KIAA0586: variants seen among roughly 807,000 people sequenced by gnomAD.
KIAA0586 encodes the protein KIAA0586.
A neutral mutation model predicts 169.8 loss-of-function variants in KIAA0586; 144 were observed. The ratio of observed to expected loss-of-function variants is 0.85; its 90% CI spans 0.74 to 0.97. The LOEUF (loss-of-function observed/expected upper bound fraction) is 0.97, where lower values mean the gene tolerates loss of function less well. Among genes scored for constraint, KIAA0586 ranks in the 50% least tolerant of loss-of-function variants. The pLI is 0.00. For missense variants in KIAA0586, 1,854 were observed against 1,823.0 expected, an observed-to-expected ratio of 1.02 and a Z score of -0.31; for synonymous variants, 625 against 612.4, an observed-to-expected ratio of 1.02 and a Z score of -0.30.
intron 27 of KIAA0586, among the ~76,000 whole-genome samples, chr14:58,499,368 T>C (rs537257463): frequency 9.0e-4 from 137 of 152,136 alleles, no homozygotes; most frequent in Non-Finnish European, 1.4e-3. Context: ...TTCTCCTGCC[T>C]CAGCCTCCCG....
At chr14:58,482,112 G>A (rs1030426751) in intron 20 of KIAA0586, among the ~76,000 whole-genome samples, 5 of 151,230 alleles carry the variant, frequency 3.3e-5, no homozygotes, top group East Asian at 2.0e-4. Context: ...GTGCCCGGCC[G>A]GCATCTCTGA....
At position 58,487,124 on chromosome 14, in the gene KIAA0586, C is replaced by A. The variant is rs1473049408; in HGVS notation, c.3262C>A (p.His1088Asn). The A allele has an allele frequency of 6.2e-7, 1 of 1,613,412 alleles. No homozygotes were observed. Among genetic ancestry groups the A allele is most frequent in the Non-Finnish European group, 8.5e-7 (1 of 1,179,626 alleles). Residue 1088 changes from histidine to asparagine, a missense_variant, in exon 22 of 31, where the codon CAT becomes AAT. Physicochemically the swap from His to Asn is moderately conservative, Grantham distance 68 (BLOSUM62 1). Coordinates refer to ENST00000652326, the MANE Select transcript of KIAA0586 (RefSeq NM_001329943.3). ...TPDSSPCDSD[H>N]DMAFPVKEIC... ...AGATTCTTCTCCCTGTGATTCGGAT[C>A]ATGATATGGCTTTTCCTGTGAAAGA...
chr14:58,427,708 G>C (rs999012449), upstream of KIAA0586: 111 of 1,535,042 alleles, frequency 7.2e-5, no homozygotes, highest in African/African-American at 3.4e-4. Context: ...GTTGACCTGC[G>C]GGCAACTGAC....
At chr14:58,502,288 G>A (rs111624253) in intron 27 of KIAA0586, among the ~76,000 whole-genome samples, 12 of 151,990 alleles carry the variant, frequency 7.9e-5, no homozygotes, top group Non-Finnish European at 1.6e-4. Context: ...GATGCACGCC[G>A]CCACCTCGCC....
Position 58,432,414 on chromosome 14 carries a change from A to T in KIAA0586, c.367A>T (p.Thr123Ser), listed in dbSNP as rs183240083. 16 of 1,569,074 alleles carry T rather than the reference A, an allele frequency of 1.0e-5. No individual in the cohort carries two copies. The South Asian group carries it at 1.2e-4, about 12-fold the overall frequency. The stretch of plus-strand genomic sequence containing the variant: ...AAATGACATCTTCATTTCTCAGTAT[A>T]CAATGGGACAGAAAGATGCTCTAAG... ...KANDIFISQY[T>S]MGQKDALRTV... The change falls in exon 4 of 31, where the codon ACA (threonine) becomes TCA (serine). Residue 123 changes from threonine (T) to serine (S), a missense_variant. Coordinates refer to ENST00000652326, the MANE Select transcript of KIAA0586 (RefSeq NM_001329943.3).
chr14:58,555,163 C>G (rs1164550402), downstream of KIAA0586, among the ~76,000 whole-genome samples: 1 of 139,790 alleles, frequency 7.2e-6, no homozygotes, highest in Non-Finnish European at 1.5e-5. Context: ...TGCAGTGGCA[C>G]AATCTCGGCT....
At chr14:58,465,096 A>G (rs1473497834) in intron 14 of KIAA0586, among the ~76,000 whole-genome samples, 1 of 152,140 alleles carries the variant, frequency 6.6e-6, no homozygotes, top group Non-Finnish European at 1.5e-5. Context: ...ATTTTTAAAT[A>G]CTTATGAATT....
chr14:58,508,623 A>G lies in KIAA0586; in HGVS notation c.4237A>G (p.Asn1413Asp). The G allele has an allele frequency of 3.1e-6, 5 of 1,598,064 alleles. No homozygotes were observed. Among genetic ancestry groups the G allele is most frequent in the Non-Finnish European group, 4.3e-6 (5 of 1,171,646 alleles). The change falls in exon 28 of 31, where the codon AAT becomes GAT. Residue 1413 changes from asparagine (N) to aspartate (D), a missense_variant. Coordinates refer to ENST00000652326, the MANE Select transcript of KIAA0586 (RefSeq NM_001329943.3). ...MSLGELELEP[N>D]SKLVLPTTLL... The stretch of plus-strand genomic sequence containing the variant: ...TTTGGGAGAATTGGAGTTGGAGCCA[A>G]ATTCTAAGCTGGTTCTTCCCACAAC...
intron 16 of KIAA0586, among the ~76,000 whole-genome samples, chr14:58,469,217 G>A (rs1057315729): frequency 6.6e-6 from 1 of 152,210 alleles, no homozygotes; most frequent in African/African-American, 2.4e-5. Flanking sequence ...AAAATTGATA[G>A]TGTGTTTTCA....
In KIAA0586 at chr14:58,549,999, GTTTC is replaced by G. The variant is rs2047162647; in HGVS notation, c.*2071_*2074del. ...AAAAAAAATTAGTGTCCATTCGACG[GTTTC>G]TTTTTTTTTTTTTTGAGATGGAATT... On this transcript the variant is annotated 3_prime_UTR_variant, in exon 31 of 31. Coordinates refer to ENST00000652326, the MANE Select transcript of KIAA0586 (RefSeq NM_001329943.3). 6.6e-6 allele frequency: 1 copy of G among 150,604 alleles called. No individual in the cohort carries two copies. Among genetic ancestry groups the G allele is most frequent in the Non-Finnish European group, 1.5e-5 (1 of 67,746 alleles). The allele number at this position is 150,604 out of a possible 1,614,324, so 9.3% of individuals were successfully genotyped here. A position where few individuals can be genotyped will look rare whatever the true frequency, so the allele number is the denominator to read the frequency against.
chr14:58,432,226 ATTAC>A (rs1382020646), intron 3 of KIAA0586, among the ~76,000 whole-genome samples, 158 bp from the exon 4 acceptor site: 6 of 152,136 alleles, frequency 3.9e-5, no homozygotes, highest in African/African-American at 1.4e-4. Flanking sequence ...GGATTATATT[ATTAC>A]TTAATCACTT....
intron 4 of KIAA0586, among the ~76,000 whole-genome samples, chr14:58,435,159 A>G (rs2140450085): frequency 6.6e-6 from 1 of 152,222 alleles, no homozygotes; most frequent in African/African-American, 2.4e-5. Flanking sequence ...CTTAAGGAAT[A>G]GAAGGGTTTA....
intron 26 of KIAA0586, among the ~76,000 whole-genome samples, chr14:58,497,394 C>G (rs1305402114): frequency 6.7e-6 from 1 of 149,744 alleles, no homozygotes; most frequent in Non-Finnish European, 1.5e-5. Flanking sequence ...GAGTATCACT[C>G]TGTCGCCCAG....
intron 6 of KIAA0586, among the ~76,000 whole-genome samples, chr14:58,446,926 A>T (rs572321964): frequency 1.0e-3 from 155 of 152,310 alleles, no homozygotes; most frequent in African/African-American, 3.2e-3. Context: ...TGTTCAGGAT[A>T]AAATGAGATG....
intron 8 of KIAA0586, among the ~76,000 whole-genome samples, chr14:58,452,872 G>A (rs538647525): frequency 6.6e-6 from 1 of 150,534 alleles, no homozygotes; most frequent in Non-Finnish European, 1.5e-5. Context: ...AGTTTTATTT[G>A]ATGAGTGTAT....
At chr14:58,558,771 A>G in the KIAA0586 span, among the ~76,000 whole-genome samples, 2 of 152,254 alleles carry the variant, frequency 1.3e-5, no homozygotes, top group Admixed American at 6.5e-5. Flanking sequence ...AAACAAATCT[A>G]TAGTCTTTCC....
At position 58,432,399 on chromosome 14, in the gene KIAA0586, T is replaced by C; in HGVS notation, c.352T>C (p.Phe118Leu). The change falls in exon 4 of 31, where the codon TTC (phenylalanine) becomes CTC (leucine). Residue 118 changes from phenylalanine to leucine, a missense_variant. Physicochemically the swap from Phe to Leu is conservative, Grantham distance 22 (BLOSUM62 0). Transcript: ENST00000652326. ...TCTTGATTTTGCAGCAAATGACATC[T>C]TCATTTCTCAGTATACAATGGGACA... ...ENNKQKANDI[F>L]ISQYTMGQKD... The C allele has an allele frequency of 1.3e-6, 2 of 1,550,022 alleles. No individual in the cohort carries two copies. Among genetic ancestry groups the C allele is most frequent in the East Asian group, 4.8e-5 (2 of 41,922 alleles).
At chr14:58,433,624 C>T (rs901949878) in intron 4 of KIAA0586, among the ~76,000 whole-genome samples, 1 of 152,156 alleles carries the variant, frequency 6.6e-6, no homozygotes, top group Non-Finnish European at 1.5e-5. Flanking sequence ...TCTGTTAATA[C>T]ACCACCTTTT....
intron 29 of KIAA0586, among the ~76,000 whole-genome samples, chr14:58,531,147 C>G (rs2045936757): frequency 6.7e-6 from 1 of 148,676 alleles, no homozygotes; most frequent in South Asian, 2.1e-4. Flanking sequence ...GAAACCCCGT[C>G]TCTACTAAAA....
Sources: allele counts gnomAD v4.1 joint callset (sites outside exome capture counted in the v4.1 genomes callset), GRCh38; gene constraint gnomAD v4.1.1; transcripts MANE v1.5; gene names NCBI Gene and HGNC (gene_info 2026-07-23, HGNC 2026-07-21).